ITGAL: variants seen among roughly 807,000 people sequenced by gnomAD.
The protein encoded by ITGAL is integrin subunit alpha L.
A neutral mutation model predicts 138.4 loss-of-function variants in ITGAL; 68 were observed. The ratio of observed to expected loss-of-function variants is 0.49; its 90% CI spans 0.40 to 0.60. The LOEUF is 0.60. Among genes scored for constraint, ITGAL ranks in the 20% least tolerant of loss-of-function variants. The pLI, the probability that ITGAL is intolerant of heterozygous loss-of-function variation, is 0.00. For missense variants in ITGAL, 1,256 were observed against 1,478.6 expected (o/e 0.85, Z 2.47); for synonymous variants, 561 against 584.3 (o/e 0.96, Z 0.57).
intron 4 of ITGAL, among the ~76,000 whole-genome samples, chr16:30,478,251 T>C (rs1273505623): frequency 6.7e-6 from 1 of 149,590 alleles, no homozygotes; most frequent in Admixed American, 6.7e-5. Flanking sequence ...GGAGAATCAC[T>C]TGAACCCGGG....
In ITGAL at chr16:30,510,346, T is replaced by G. The variant is rs758591981; in HGVS notation, c.2509-15T>G. 2 of 1,524,104 alleles carry G rather than the reference T, an allele frequency of 1.3e-6. No homozygotes were observed. Among genetic ancestry groups the G allele is most frequent in the South Asian group, 2.2e-5 (2 of 89,272 alleles). 94.4% of individuals were successfully genotyped at this position (1,524,104 alleles called of 1,614,324 possible). A position where few individuals can be genotyped will look rare whatever the true frequency, so the allele number is the denominator to read the frequency against. ...CTTGCTCATTAACAAACTTGTTTCC[T>G]CCTTTCACTCCCAGCCCCATAGCCA... On this transcript the variant is annotated splice_polypyrimidine_tract_variant and intron_variant, in intron 21 of 30. Transcript: ENST00000356798.
rs1485544967 is a variant in ITGAL at position 30,475,185 on chromosome 16, T to C, written c.165-121T>C. The C allele has an allele frequency of 5.3e-6, 4 of 752,842 alleles. No homozygotes were observed. The African/African-American group carries it at 7.0e-5, about 13-fold the overall frequency. 46.6% of individuals were successfully genotyped at this position (752,842 alleles called of 1,614,324 possible). On this transcript the variant is annotated intron_variant, in intron 2 of 30. Transcript: ENST00000356798. ...CCCCACCTGGCCAGAGGCACCTTCT[T>C]GAAGGGGAATGGCTGCAGTGCTTGG...
At chr16:30,478,697 C>CAA (rs59193580) in intron 4 of ITGAL, among the ~76,000 whole-genome samples, 1,224 of 105,962 alleles carry the variant, frequency 0.012, 24 homozygotes, top group African/African-American at 0.03. Flanking sequence ...GACTCCATCT[C>CAA]AAAAAAAAAA....
rs1290113311 is a variant in ITGAL, at chr16:30,508,881, C to CA, written c.2509-1470dup. On this transcript the variant is annotated intron_variant, in intron 21 of 30. Transcript: ENST00000356798. ...CTCAGGAAAAACAAAAAACAAAAAA[C>CA]AAAAAAAAAACTGGGCTGGGTGTGG... Among the ~76,000 whole-genome samples, 625 of 146,494 alleles carry CA rather than the reference C, an allele frequency of 4.3e-3. 2 individuals carry two copies. The highest frequency in any genetic ancestry group is 0.014 in the African/African-American group (545 of 40,174).
At chr16:30,505,095 C>T (rs1432408400) in intron 18 of ITGAL, 149 bp from the exon 19 acceptor site, 1 of 575,142 alleles carries the variant, frequency 1.7e-6, no homozygotes, top group East Asian at 2.9e-5. Context: ...CAGAGTGGGG[C>T]AGCCCTGGAA....
chr16:30,496,321 C>T (rs1450685059), intron 14 of ITGAL, 27 bp downstream of exon 14: 8 of 1,602,370 alleles, frequency 5.0e-6, no homozygotes, highest in Non-Finnish European at 6.0e-6. Context: ...GCCAATCACA[C>T]TCCATTCTCA....
Position 30,511,103 on chromosome 16 carries a change from C to T in ITGAL, c.2753C>T (p.Pro918Leu), listed in dbSNP as rs1305988046. Reference sequence around the variant, plus strand: ...GACAACTCAGCCACTACCATCATCCCCATCCTGTACCCCATCAACATCCTC... The same window carrying T: ...GACAACTCAGCCACTACCATCATCCTCATCCTGTACCCCATCAACATCCTC... ...LEDNSATTII[P>L]ILYPINILIQ... Residue 918 changes from proline (P) to leucine (L), a missense_variant, in exon 24 of 31, where the codon CCC (proline) becomes CTC (leucine). By Grantham distance (98) the Pro-to-Leu change is moderately conservative (BLOSUM62 -3). Coordinates refer to ENST00000356798, the MANE Select transcript of ITGAL (RefSeq NM_002209.3). The T allele has an allele frequency of 2.5e-6, 4 of 1,613,770 alleles. No homozygotes were observed. In the Admixed American group the frequency reaches 6.7e-5, roughly 27 times the overall value.
At chr16:30,514,673 C>T (rs1567490185) in intron 25 of ITGAL, among the ~76,000 whole-genome samples, 1 of 152,148 alleles carries the variant, frequency 6.6e-6, no homozygotes, top group Admixed American at 6.6e-5. Context: ...ATCTACCCAC[C>T]TCAGCCTCCC....
At chr16:30,484,373 C>A in intron 9 of ITGAL, 110 bp downstream of exon 9, 1 of 1,048,266 alleles carries the variant, frequency 9.5e-7, no homozygotes, top group Non-Finnish European at 1.4e-6. Context: ...CTTTGGGAGG[C>A]CGAGGCAGGT....
chr16:30,499,699 G>GTATATATATATGTATATATATA (rs1567478303), intron 17 of ITGAL: 1 of 99,736 alleles, frequency 1.0e-5, no homozygotes, highest in African/African-American at 4.0e-5. Flanking sequence ...ATATATATGT[G>GTATATATATATGTATATATATA]TATATATATA....
chr16:30,496,610 A>G (rs1408029417), intron 15 of ITGAL, 44 bp downstream of exon 15: 2 of 1,515,258 alleles, frequency 1.3e-6, no homozygotes, highest in Admixed American at 2.4e-5. Flanking sequence ...CCCAGCTCTT[A>G]TCCTGTTTTG....
intron 9 of ITGAL, among the ~76,000 whole-genome samples, chr16:30,486,882 A>G (rs891472057): frequency 2.6e-5 from 4 of 152,102 alleles, no homozygotes; most frequent in Non-Finnish European, 5.9e-5. Flanking sequence ...TGCAGCCTCA[A>G]ACTCCTGGGC....
intron 1 of ITGAL, 39 bp downstream of exon 1, chr16:30,472,937 G>A: frequency 1.3e-6 from 2 of 1,587,280 alleles, no homozygotes; most frequent in Non-Finnish European, 1.7e-6. Flanking sequence ...ACATGTGTCT[G>A]TGACCAGAGA....
chr16:30,477,113 C>T (rs2050482965), intron 4 of ITGAL: 1 of 152,190 alleles, frequency 6.6e-6, no homozygotes, highest in South Asian at 2.1e-4. Context: ...TTGCTCTCTC[C>T]AACTTATCCC....
In ITGAL at chr16:30,483,926, T is replaced by C. The variant is rs1323249130; in HGVS notation, c.822T>C (p.Asp274=). ...DGEATDSGNI[D]AAKDIIRYII... ...AGGCCACTGACAGTGGCAACATCGATGCGGCCAAAGACATCATCCGCTACA... is the reference window on the plus strand; with the variant it reads ...AGGCCACTGACAGTGGCAACATCGACGCGGCCAAAGACATCATCCGCTACA... The change falls in exon 8 of 31, where the codon GAT becomes GAC. Residue 274 remains aspartate, a synonymous_variant. Coordinates refer to ENST00000356798, the MANE Select transcript of ITGAL (RefSeq NM_002209.3). The C allele has an allele frequency of 9.3e-6, 15 of 1,613,896 alleles. No homozygotes were observed. The highest frequency in any genetic ancestry group is 2.5e-6 in the Non-Finnish European group (3 of 1,179,940).
chr16:30,503,005 G>A (rs1045603242), intron 17 of ITGAL, among the ~76,000 whole-genome samples: 1 of 151,776 alleles, frequency 6.6e-6, no homozygotes, highest in Non-Finnish European at 1.5e-5. Flanking sequence ...GATAGAGATG[G>A]GTTTTCACCA....
At chr16:30,496,408 T>C (rs780092321) in intron 14 of ITGAL, 28 bp from the exon 15 acceptor site, 1 of 1,613,950 alleles carries the variant, frequency 6.2e-7, no homozygotes, top group Non-Finnish European at 8.5e-7. Context: ...TCTCCTCAGC[T>C]TAGTGGCAAT....
At position 30,510,453 on chromosome 16, in the gene ITGAL, C is replaced by T. The variant is rs765488846; in HGVS notation, c.2601C>T (p.Ile867=). 1 of 1,607,092 alleles carries T rather than the reference C, an allele frequency of 6.2e-7. No homozygotes were observed. The highest frequency in any genetic ancestry group is 1.7e-5 in the Admixed American group (1 of 59,988). The change falls in exon 22 of 31, where the codon ATC becomes ATT. Residue 867 remains isoleucine (I), a synonymous_variant. Transcript: ENST00000356798. ...RALSCNVSSP[I]FKAGHSVALQ... ...TATCTTGCAATGTGAGCTCTCCCATCTTCAAAGCAGGCCACTCGGTGAGTG... is the reference window on the plus strand; with the variant it reads ...TATCTTGCAATGTGAGCTCTCCCATTTTCAAAGCAGGCCACTCGGTGAGTG...
intron 7 of ITGAL, among the ~76,000 whole-genome samples, chr16:30,481,897 T>G (rs2050565637): frequency 6.6e-6 from 1 of 152,058 alleles, no homozygotes; most frequent in Non-Finnish European, 1.5e-5. Flanking sequence ...TTGGTTTTTG[T>G]TTTTGTTTTT....
Sources: allele counts gnomAD v4.1 joint callset (sites outside exome capture counted in the v4.1 genomes callset), GRCh38; gene constraint gnomAD v4.1.1; transcripts MANE v1.5; gene names NCBI Gene and HGNC (gene_info 2026-07-23, HGNC 2026-07-21).